RNGTT: variants seen among roughly 807,000 people sequenced by gnomAD.
The protein encoded by RNGTT is mRNA-capping enzyme.
A neutral mutation model predicts 79.3 loss-of-function variants in RNGTT; 33 were observed. The ratio of observed to expected loss-of-function variants is 0.42; its 90% confidence interval spans 0.32 to 0.56. The LOEUF is 0.56. Ranked by LOEUF, RNGTT falls within the 20% of genes least tolerant of loss-of-function variation. The pLI is 0.17. For synonymous variants in RNGTT, 222 were observed against 235.9 expected (o/e 0.94, Z 0.54); for missense variants, 497 against 739.1 (o/e 0.67, Z 3.80).
chr6:88,811,363 T>C (rs192683490), intron 11 of RNGTT, among the ~76,000 whole-genome samples: 4 of 152,350 alleles, frequency 2.6e-5, no homozygotes, highest in East Asian at 3.9e-4. Context: ...AACATAATCT[T>C]ATCTTTGAAT....
At position 88,843,548 on chromosome 6, in the gene RNGTT, C is replaced by CTTTTTTTTTT. The variant is rs11312733; in HGVS notation, c.1269+799_1269+808dup. On this transcript the variant is annotated intron_variant, in intron 11 of 15. Coordinates refer to ENST00000369485, the MANE Select transcript of RNGTT (RefSeq NM_003800.5). ...ACATCTTGGAATATTTAGTATGATT[C>CTTTTTTTTTT]TTTTTTTTTTTTTTTTTTTTTTTTT... 3.0e-5 allele frequency among the ~76,000 whole-genome samples: 2 copies of CTTTTTTTTTT among 66,634 alleles called. 1 individual carries two copies. Among genetic ancestry groups the CTTTTTTTTTT allele is most frequent in the African/African-American group, 1.4e-4 (2 of 14,740 alleles). The allele number at this position is 66,634 out of a possible 152,430, so 43.7% of individuals were successfully genotyped here. A position where few individuals can be genotyped will look rare whatever the true frequency, so the allele number is the denominator to read the frequency against.
At position 88,771,350 on chromosome 6, in the gene RNGTT, T is replaced by TATACAC. The variant is rs376503141; in HGVS notation, c.1339-1477_1339-1476insGTGTAT. The stretch of plus-strand genomic sequence containing the variant: ...ATATATATATATATATATATATATA[T>TATACAC]ACACACACACACACACACACAATTT... On this transcript the variant is annotated intron_variant, in intron 12 of 15. Transcript: ENST00000369485. 1.2e-3 allele frequency among the ~76,000 whole-genome samples: 136 copies of TATACAC among 116,204 alleles called. 1 individual carries two copies. The highest frequency in any genetic ancestry group is 4.8e-3 in the African/African-American group (123 of 25,852). The allele number at this position is 116,204 out of a possible 152,430, so 76.2% of individuals were successfully genotyped here.
intron 13 of RNGTT, among the ~76,000 whole-genome samples, chr6:88,721,103 T>C (rs1433805108): frequency 1.3e-5 from 2 of 152,094 alleles, no homozygotes; most frequent in Non-Finnish European, 2.9e-5. Flanking sequence ...AATATAGGTG[T>C]TACCCAGAGT....
At chr6:88,661,385 T>C (rs1413451989) in intron 14 of RNGTT, among the ~76,000 whole-genome samples, 1 of 152,062 alleles carries the variant, frequency 6.6e-6, no homozygotes, top group Non-Finnish European at 1.5e-5. Context: ...AAATGCTGGT[T>C]CCTTGAAAAG....
chr6:88,948,499 C>T (rs1318622062), intron 1 of RNGTT, among the ~76,000 whole-genome samples: 2 of 142,402 alleles, frequency 1.4e-5, no homozygotes, highest in Non-Finnish European at 3.1e-5. Context: ...GGGGGGTCAG[C>T]CCCCCGCCCG....
At chr6:88,667,983 C>T (rs1395576734) in intron 14 of RNGTT, among the ~76,000 whole-genome samples, 3 of 152,144 alleles carry the variant, frequency 2.0e-5, no homozygotes, top group African/African-American at 7.2e-5. Context: ...AGACCCCCTC[C>T]CATATTACGA....
At chr6:88,826,684 G>A (rs1366603265) in intron 11 of RNGTT, among the ~76,000 whole-genome samples, 1 of 151,226 alleles carries the variant, frequency 6.6e-6, no homozygotes, top group Non-Finnish European at 1.5e-5. Flanking sequence ...TTGGGAGGCT[G>A]AGGAAGGAGA....
intron 12 of RNGTT, among the ~76,000 whole-genome samples, chr6:88,788,763 A>T (rs1779310593): frequency 6.6e-6 from 1 of 152,194 alleles, no homozygotes; most frequent in South Asian, 2.1e-4. Flanking sequence ...ATGTTCTATA[A>T]TTCTGTAAAT....
rs114554628 is a variant in RNGTT at position 88,866,440 on chromosome 6, T to A, written c.897-12676A>T. ...ACTACCAAAGACACAAAAAACTAGTTACATTACCTCCTCCAGTTTGTAAAT... is the reference window on the plus strand; with the variant it reads ...ACTACCAAAGACACAAAAAACTAGTAACATTACCTCCTCCAGTTTGTAAAT... On this transcript the variant is annotated intron_variant, in intron 8 of 15. Transcript: ENST00000369485. Among the ~76,000 whole-genome samples the A allele has an allele frequency of 5.5e-3, 839 of 152,256 alleles. 7 individuals are homozygous for A. The highest frequency in any genetic ancestry group is 0.017 in the African/African-American group (727 of 41,552).
intron 13 of RNGTT, among the ~76,000 whole-genome samples, chr6:88,698,191 AATATATATGAT>A (rs1308814559): frequency 9.6e-6 from 1 of 103,924 alleles, no homozygotes; most frequent in Non-Finnish European, 1.7e-5. Context: ...ATATATATGA[AATATATATGAT>A]ATATATGAAA....
chr6:88,846,982 C>T (rs962329983), intron 10 of RNGTT, among the ~76,000 whole-genome samples: 14 of 151,994 alleles, frequency 9.2e-5, no homozygotes, highest in Non-Finnish European at 1.6e-4. Flanking sequence ...TATTTCTTTA[C>T]ATTTATATTT....
At chr6:88,803,328 C>G (rs1045617406) in intron 11 of RNGTT, among the ~76,000 whole-genome samples, 1 of 152,030 alleles carries the variant, frequency 6.6e-6, no homozygotes, top group African/African-American at 2.4e-5. Flanking sequence ...GTAATCCCAG[C>G]AATTTGGGAG....
At chr6:88,797,941 CAAAAAAAAAAAA>C (rs143559265) in intron 12 of RNGTT, among the ~76,000 whole-genome samples, 1 of 65,814 alleles carries the variant, frequency 1.5e-5, no homozygotes, top group Non-Finnish European at 3.1e-5. Context: ...AAGCAAAAGC[CAAAAAAAAAAAA>C]AAAAAAAAGA....
intron 6 of RNGTT, among the ~76,000 whole-genome samples, chr6:88,895,229 C>CTGTGTG (rs5878081): frequency 0.074 from 10,803 of 145,068 alleles, 411 homozygotes; most frequent in Non-Finnish European, 0.09. Context: ...AGAGAGAGCT[C>CTGTGTG]TGTGTGTGTG....
Position 88,850,081 on chromosome 6 carries a change from C to G in RNGTT, c.1033-255G>C, listed in dbSNP as rs574752140. Among the ~76,000 whole-genome samples, 5 of 152,028 alleles carry G rather than the reference C, an allele frequency of 3.3e-5. No individual in the cohort carries two copies. The East Asian group carries it at 9.6e-4, about 29-fold the overall frequency. On this transcript the variant is annotated intron_variant, in intron 9 of 15. Coordinates refer to ENST00000369485, the MANE Select transcript of RNGTT (RefSeq NM_003800.5). ...TATTTTTCATATTTGAATTTCCATGCTACATTTTGCTTTATGCTTGAATTA... is the reference window on the plus strand; with the variant it reads ...TATTTTTCATATTTGAATTTCCATGGTACATTTTGCTTTATGCTTGAATTA...
intron 12 of RNGTT, among the ~76,000 whole-genome samples, chr6:88,792,528 ACT>A (rs1779456815): frequency 6.6e-6 from 1 of 152,226 alleles, no homozygotes; most frequent in Non-Finnish European, 1.5e-5. Context: ...TGTGTCTTAA[ACT>A]CTGCTTTCTT....
intron 14 of RNGTT, among the ~76,000 whole-genome samples, chr6:88,651,157 T>C (rs1037610923): frequency 6.6e-6 from 1 of 152,086 alleles, no homozygotes; most frequent in Non-Finnish European, 1.5e-5. Flanking sequence ...ATTTTGGTCT[T>C]TGTTGTTAAA....
intron 10 of RNGTT, 102 bp from the exon 11 acceptor site, chr6:88,844,623 C>CTGGAGTAA: frequency 9.0e-7 from 1 of 1,105,412 alleles, no homozygotes; most frequent in South Asian, 1.5e-5. Context: ...GTGTAAACAG[C>CTGGAGTAA]ATCCTCTGGA....
chr6:88,611,426 T>G lies in RNGTT; in HGVS notation c.*1293A>C, dbSNP rs1049615191. On this transcript the variant is annotated 3_prime_UTR_variant, in exon 16 of 16. Coordinates refer to ENST00000369485, the MANE Select transcript of RNGTT (RefSeq NM_003800.5). ...GTTTTAAATACATTTACTTAAAACATGTACCTCTAAAAATAAATACACTAG... is the reference window on the plus strand; with the variant it reads ...GTTTTAAATACATTTACTTAAAACAGGTACCTCTAAAAATAAATACACTAG... 1 of 152,658 alleles carries G rather than the reference T, an allele frequency of 6.6e-6. No homozygotes were observed. Among genetic ancestry groups the G allele is most frequent in the Non-Finnish European group, 1.5e-5 (1 of 68,040 alleles). 9.5% of individuals were successfully genotyped at this position (152,658 alleles called of 1,614,324 possible).
Sources: gnomAD v4.1 joint callset for allele counts (sites outside exome capture counted in the v4.1 genomes callset) on GRCh38, gnomAD v4.1.1 for gene constraint, MANE v1.5 for transcripts, NCBI Gene and HGNC (gene_info 2026-07-23, HGNC 2026-07-21) for gene names.